The following CADM2 variants were observed in gnomAD, a reference collection of about 807,000 sequenced individuals.
CADM2 encodes cell adhesion molecule 2.
A neutral mutation model predicts 49.8 loss-of-function variants in CADM2; 12 were observed. That is an observed-to-expected ratio of 0.24 (90% CI 0.15 to 0.39). CADM2 has a LOEUF of 0.39. Among genes scored for constraint, CADM2 ranks in the 10% least tolerant of loss-of-function variants. The pLI, the probability that CADM2 is intolerant of heterozygous loss-of-function variation, is 1.00. For missense variants in CADM2, 378 were observed against 492.3 expected, an observed-to-expected ratio of 0.77 and a Z score of 2.20; for synonymous variants, 214 against 175.4, an observed-to-expected ratio of 1.22 and a Z score of -1.74.
At chr3:85,463,157 A>G (rs2038327803) in intron 1 of CADM2, among the ~76,000 whole-genome samples, 1 of 152,196 alleles carries the variant, frequency 6.6e-6, no homozygotes, top group Admixed American at 6.5e-5. Flanking sequence ...AGAACTGGAT[A>G]TTAGAGACTT....
intron 1 of CADM2, among the ~76,000 whole-genome samples, chr3:85,513,349 A>T (rs183212160): frequency 1.3e-4 from 20 of 152,138 alleles, no homozygotes; most frequent in African/African-American, 4.8e-4. Flanking sequence ...CCTTCTCAGA[A>T]AAAAAGGACA....
chr3:85,696,853 C>CA (rs1172218913), intron 1 of CADM2, among the ~76,000 whole-genome samples: 1 of 151,346 alleles, frequency 6.6e-6, no homozygotes, highest in East Asian at 1.9e-4. Context: ...CCAGGGTGGC[C>CA]AAAAAATCTT....
At chr3:85,530,714 TTTACCA>T (rs2061287098) in intron 1 of CADM2, among the ~76,000 whole-genome samples, 2 of 152,084 alleles carry the variant, frequency 1.3e-5, no homozygotes, top group Non-Finnish European at 2.9e-5. Context: ...ACCATGTTTG[TTTACCA>T]TTACAATCTT....
chr3:85,621,436 A>G (rs1347041175), intron 1 of CADM2, among the ~76,000 whole-genome samples: 5 of 152,206 alleles, frequency 3.3e-5, no homozygotes, highest in African/African-American at 9.6e-5. Context: ...TAAGTATTCT[A>G]TCTGCTAAAA....
intron 2 of CADM2, among the ~76,000 whole-genome samples, chr3:85,772,143 CCA>C (rs1273248563): frequency 3.3e-5 from 5 of 151,026 alleles, no homozygotes; most frequent in Non-Finnish European, 7.4e-5. Context: ...TCAGTCCTAA[CCA>C]TAGCATTTAT....
intron 1 of CADM2, among the ~76,000 whole-genome samples, chr3:85,084,977 G>T (rs1246222532): frequency 6.6e-6 from 1 of 151,944 alleles, no homozygotes; most frequent in East Asian, 1.9e-4. Context: ...AGTTATGTTA[G>T]GCAGCATAAT....
chr3:85,534,053 A>T (rs2106978033), intron 1 of CADM2, among the ~76,000 whole-genome samples: 1 of 152,330 alleles, frequency 6.6e-6, no homozygotes, highest in African/African-American at 2.4e-5. Flanking sequence ...ATATTTACTC[A>T]GATGTGTAGC....
At chr3:85,942,586 ATG>A (rs1370777698) in intron 7 of CADM2, among the ~76,000 whole-genome samples, 1 of 149,152 alleles carries the variant, frequency 6.7e-6, no homozygotes, top group Non-Finnish European at 1.5e-5. Flanking sequence ...TATGCGGTGT[ATG>A]TTTTTTTGTT....
chr3:85,196,696 C>G (rs1052018410), intron 1 of CADM2, among the ~76,000 whole-genome samples: 4 of 151,928 alleles, frequency 2.6e-5, no homozygotes, highest in African/African-American at 9.7e-5. Flanking sequence ...GAAAACAACA[C>G]TATTCTTAGA....
intron 1 of CADM2, among the ~76,000 whole-genome samples, chr3:85,538,896 A>G (rs2107017161): frequency 8.1e-6 from 1 of 122,814 alleles, no homozygotes; most frequent in Non-Finnish European, 1.9e-5. Context: ...AATACATTAT[A>G]TTGCAGAGCT....
chr3:85,318,688 C>A (rs1035024346), intron 1 of CADM2, among the ~76,000 whole-genome samples: 6 of 152,058 alleles, frequency 3.9e-5, no homozygotes, highest in African/African-American at 1.4e-4. Context: ...AAAGAAAATA[C>A]ACTTGCTTTA....
intron 1 of CADM2, among the ~76,000 whole-genome samples, chr3:85,429,643 A>C (rs530774218): frequency 2.6e-5 from 4 of 152,212 alleles, no homozygotes; most frequent in African/African-American, 9.6e-5. Flanking sequence ...AATGTGTACC[A>C]AACACTGGGA....
intron 1 of CADM2, among the ~76,000 whole-genome samples, chr3:85,464,176 A>G (rs1049500206): frequency 3.3e-5 from 5 of 152,126 alleles, no homozygotes; most frequent in African/African-American, 1.2e-4. Context: ...TGACCATGAC[A>G]TGCAAAATTT....
chr3:85,060,084 T>G (rs185551171), intron 1 of CADM2, among the ~76,000 whole-genome samples: 32 of 152,292 alleles, frequency 2.1e-4, no homozygotes, highest in Admixed American at 8.5e-4. Context: ...AGATCCCACT[T>G]AAATATGCAT....
rs11467719 is a variant in CADM2 at position 85,177,894 on chromosome 3, CTG to C, written c.61+218231_61+218232del. Among the ~76,000 whole-genome samples, 613 of 151,968 alleles carry C rather than the reference CTG, an allele frequency of 4.0e-3. 4 individuals are homozygous for C. The highest frequency in any genetic ancestry group is 0.013 in the African/African-American group (549 of 41,518). Reference sequence around the variant, plus strand: ...TATGAATATACACACTACAAGAACACTGTGTGGGGGAGAAAAAAGGCGGATAA... The same window carrying C: ...TATGAATATACACACTACAAGAACACTGTGGGGGAGAAAAAAGGCGGATAA... On this transcript the variant is annotated intron_variant, in intron 1 of 9. Coordinates refer to ENST00000383699, the MANE Select transcript of CADM2 (RefSeq NM_001167675.2).
At chr3:85,444,386 C>T (rs2037349274) in intron 1 of CADM2, among the ~76,000 whole-genome samples, 1 of 151,864 alleles carries the variant, frequency 6.6e-6, no homozygotes, top group Non-Finnish European at 1.5e-5. Flanking sequence ...GTTGTCCAAA[C>T]TCACCTCCCA....
chr3:85,491,317 A>T (rs907481372), intron 1 of CADM2, among the ~76,000 whole-genome samples: 1 of 152,206 alleles, frequency 6.6e-6, no homozygotes, highest in African/African-American at 2.4e-5. Context: ...AAATTTTTTA[A>T]TAAGACAAAA....
chr3:85,629,827 T>C (rs2107517997), intron 1 of CADM2, among the ~76,000 whole-genome samples: 1 of 152,142 alleles, frequency 6.6e-6, no homozygotes, highest in Non-Finnish European at 1.5e-5. Context: ...TGACTAGAAA[T>C]GAGCAGATTG....
At chr3:85,404,020 T>C (rs1394243742) in intron 1 of CADM2, among the ~76,000 whole-genome samples, 1 of 152,148 alleles carries the variant, frequency 6.6e-6, no homozygotes, top group Non-Finnish European at 1.5e-5. Context: ...GGTTTATATA[T>C]ATTATATGTA....
Sources: gnomAD v4.1 joint callset for allele counts (sites outside exome capture counted in the v4.1 genomes callset) on GRCh38, gnomAD v4.1.1 for gene constraint, MANE v1.5 for transcripts, NCBI Gene and HGNC (gene_info 2026-07-23, HGNC 2026-07-21) for gene names.